Variants in PPP2R1A observed in about 807,000 individuals in gnomAD.
PPP2R1A encodes protein phosphatase 2 scaffold subunit Aalpha.
Under a neutral mutation model 67.1 loss-of-function variants are expected in PPP2R1A, and 15 were observed. The ratio of observed to expected loss-of-function variants is 0.22; its 90% CI spans 0.15 to 0.34. The LOEUF (loss-of-function observed/expected upper bound fraction) is 0.34. PPP2R1A is among the 10% of genes least tolerant of loss of function. The pLI is 1.00. For missense variants in PPP2R1A, 369 were observed against 775.0 expected, an observed-to-expected ratio of 0.48 and a Z score of 6.22; for synonymous variants, 337 against 325.0, an observed-to-expected ratio of 1.04 and a Z score of -0.40.
chr19:52,216,737 C>G lies in PPP2R1A; in HGVS notation c.1128+74C>G. The G allele has an allele frequency of 6.3e-7, 1 of 1,596,830 alleles. No homozygotes were observed. Among genetic ancestry groups the G allele is most frequent in the Non-Finnish European group, 8.6e-7 (1 of 1,166,892 alleles). ...GTCTTCCTAGATTGCTAGGGTTTAC[C>G]TAGATTGACCAGGAATCTGCTGATA... On this transcript the variant is annotated intron_variant, in intron 9 of 14. Coordinates refer to ENST00000322088, the MANE Select transcript of PPP2R1A (RefSeq NM_014225.6). This position sits in a 1 kb window ranked among gnomAD's most constrained non-coding sequence, Gnocchi z 4.3.
Position 52,192,298 on chromosome 19 carries a change from C to CT in PPP2R1A, c.78+2137dup, listed in dbSNP as rs60482392. The stretch of plus-strand genomic sequence containing the variant: ...GAAGAGGGAACAGATATGTAATGGC[C>CT]TTTTTTTTTTTTTCTTCTTTTTTTG... On this transcript the variant is annotated intron_variant, in intron 1 of 14. Coordinates refer to ENST00000322088, the MANE Select transcript of PPP2R1A (RefSeq NM_014225.6). 6.5e-3 allele frequency among the ~76,000 whole-genome samples: 938 copies of CT among 144,240 alleles called. 5 individuals carry two copies. Among genetic ancestry groups the CT allele is most frequent in the Non-Finnish European group, 0.01 (664 of 65,276 alleles). 94.6% of individuals were successfully genotyped at this position (144,240 alleles called of 152,430 possible).
At chr19:52,190,427 C>G (rs574543525) in intron 1 of PPP2R1A, 1 of 564,220 alleles carries the variant, frequency 1.8e-6, no homozygotes, top group South Asian at 2.0e-5. Flanking sequence ...CGGCGGTCCG[C>G]GGTCCTGGGA....
In PPP2R1A at chr19:52,212,463, G is replaced by A. The variant is rs10403154; in HGVS notation, c.504-223G>A. 0.12 allele frequency: 69,176 copies of A among 563,126 alleles called. 5,045 individuals are homozygous for A. Among genetic ancestry groups the A allele is most frequent in the African/African-American group, 0.27 (13,915 of 52,380 alleles). The allele number at this position is 563,126 out of a possible 1,614,324, so 34.9% of individuals were successfully genotyped here. A position where few individuals can be genotyped will look rare whatever the true frequency, so the allele number is the denominator to read the frequency against. On this transcript the variant is annotated intron_variant, in intron 4 of 14. Coordinates refer to ENST00000322088, the MANE Select transcript of PPP2R1A (RefSeq NM_014225.6). The surrounding 1 kb of genome is among the most constrained non-coding windows in gnomAD (Gnocchi z 4.1). ...ACTAGATTTATTATGCGCAATCTGC[G>A]AAGTGTCTCACACACACTATTTTCA... is the stretch of plus-strand genomic sequence containing the variant.
intron 1 of PPP2R1A, among the ~76,000 whole-genome samples, chr19:52,195,284 A>T (rs1045574918): frequency 2.6e-5 from 4 of 152,084 alleles, no homozygotes; most frequent in African/African-American, 9.7e-5. Context: ...CTAGGGTGGT[A>T]AGTGCTGTCA....
In PPP2R1A at chr19:52,212,671, G is replaced by A. The variant is rs375123024; in HGVS notation, c.504-15G>A. 3.2e-5 allele frequency: 52 copies of A among 1,610,582 alleles called. 1 individual carries two copies. Among genetic ancestry groups the A allele is most frequent in the South Asian group, 2.6e-4 (24 of 91,030 alleles). On this transcript the variant is annotated splice_polypyrimidine_tract_variant and intron_variant, in intron 4 of 14. Transcript: ENST00000322088. The surrounding 1 kb of genome is among the most constrained non-coding windows in gnomAD (Gnocchi z 4.1). ...TACTGCCTGCTGCCTCAGGATCCCC[G>A]TCCCCGACTCCCAGGTACTTCCGGA...
At chr19:52,204,125 C>A (rs754433394) in intron 2 of PPP2R1A, among the ~76,000 whole-genome samples, 6 of 152,140 alleles carry the variant, frequency 3.9e-5, no homozygotes, top group Non-Finnish European at 5.9e-5. Flanking sequence ...AAGAGCATTT[C>A]AGGCTGTGGG....
intron 12 of PPP2R1A, among the ~76,000 whole-genome samples, chr19:52,221,706 AC>A (rs879503469): frequency 0.09 from 13,731 of 152,212 alleles, 718 homozygotes; most frequent in African/African-American, 0.13. Flanking sequence ...TGCTTTTCCT[AC>A]GATTATAATT....
chr19:52,218,545 A>G (rs1200696985), intron 9 of PPP2R1A, among the ~76,000 whole-genome samples: 1 of 152,194 alleles, frequency 6.6e-6, no homozygotes, highest in East Asian at 1.9e-4. Flanking sequence ...TTCATGACAA[A>G]TTTTATGACT....
At chr19:52,223,941 G>A (rs1367117351) in intron 13 of PPP2R1A, among the ~76,000 whole-genome samples, 1 of 152,152 alleles carries the variant, frequency 6.6e-6, no homozygotes, top group African/African-American at 2.4e-5. Flanking sequence ...CATAGTAGCC[G>A]TAAAAATGGA....
In PPP2R1A at chr19:52,216,151, GA is replaced by G; in HGVS notation, c.993+78del. 6.7e-7 allele frequency: 1 copy of G among 1,502,988 alleles called. No individual in the cohort carries two copies. Among genetic ancestry groups the G allele is most frequent in the Non-Finnish European group, 9.2e-7 (1 of 1,084,030 alleles). 93.1% of individuals were successfully genotyped at this position (1,502,988 alleles called of 1,614,324 possible). A position where few individuals can be genotyped will look rare whatever the true frequency, so the allele number is the denominator to read the frequency against. On this transcript the variant is annotated intron_variant, in intron 8 of 14. Coordinates refer to ENST00000322088, the MANE Select transcript of PPP2R1A (RefSeq NM_014225.6). The surrounding 1 kb of genome is among the most constrained non-coding windows in gnomAD (Gnocchi z 4.3). ...GAGGGGCTGGAGACAAGGCTTTGGGGATAGTCAGCTGCAAACTAGGTTCCCA... is the reference window on the plus strand; with the variant it reads ...GAGGGGCTGGAGACAAGGCTTTGGGGTAGTCAGCTGCAAACTAGGTTCCCA...
intron 12 of PPP2R1A, 22 bp downstream of exon 12, chr19:52,221,155 T>C (rs1409767194): frequency 4.3e-6 from 7 of 1,613,886 alleles, no homozygotes; most frequent in African/African-American, 1.3e-5. Flanking sequence ...ACCTGCCTGC[T>C]GGCCCATCCC....
Position 52,215,791 on chromosome 19 carries a change from G to A in PPP2R1A, c.820G>A (p.Val274Met). ...TTCCTGTCTGCAGCTCCAGAAAGCA[G>A]TGGGGCCTGAGATCACCAAGACAGA... is the stretch of plus-strand genomic sequence containing the variant. The part of the protein sequence containing the change: ...ADKFTELQKA[V>M]GPEITKTDLV... Residue 274 changes from valine to methionine, a missense_variant, in exon 7 of 15, where the codon GTG becomes ATG. Transcript: ENST00000322088. 6.2e-7 allele frequency: 1 copy of A among 1,614,006 alleles called. No homozygotes were observed. The highest frequency in any genetic ancestry group is 8.5e-7 in the Non-Finnish European group (1 of 1,179,896).
intron 1 of PPP2R1A, among the ~76,000 whole-genome samples, chr19:52,192,778 A>G (rs2089466435): frequency 6.6e-6 from 1 of 152,122 alleles, no homozygotes; most frequent in Admixed American, 6.5e-5. Flanking sequence ...GAATATTGCA[A>G]AGGATACAGA....
chr19:52,219,924 G>A lies in PPP2R1A; in HGVS notation c.1302+60G>A. The A allele has an allele frequency of 6.5e-7, 1 of 1,536,320 alleles. No homozygotes were observed. Among genetic ancestry groups the A allele is most frequent in the African/African-American group, 1.4e-5 (1 of 73,390 alleles). Reference sequence around the variant, plus strand: ...CCTCAGGGGAGGTGCAGTATGTCCAGGGCTGTGATGGGGAAACGGGGCTTT... The same window carrying A: ...CCTCAGGGGAGGTGCAGTATGTCCAAGGCTGTGATGGGGAAACGGGGCTTT... On this transcript the variant is annotated intron_variant, in intron 10 of 14. Coordinates refer to ENST00000322088, the MANE Select transcript of PPP2R1A (RefSeq NM_014225.6). This position sits in a 1 kb window ranked among gnomAD's most constrained non-coding sequence, Gnocchi z 4.0.
chr19:52,206,457 C>T (rs1412211263), intron 3 of PPP2R1A, among the ~76,000 whole-genome samples: 2 of 152,180 alleles, frequency 1.3e-5, no homozygotes, highest in Non-Finnish European at 2.9e-5. Context: ...CCTTGAAGAG[C>T]CCTAGCACAG....
At position 52,225,717 on chromosome 19, in the gene PPP2R1A, C is replaced by T. The variant is rs2122381602; in HGVS notation, c.1662C>T (p.Ser554=). 1.2e-6 allele frequency: 2 copies of T among 1,614,050 alleles called. No individual in the cohort carries two copies. Among genetic ancestry groups the T allele is most frequent in the South Asian group, 2.2e-5 (2 of 91,090 alleles). The part of the protein sequence containing the change: ...LQKIGPILDN[S]TLQSEVKPIL... ...CTCCCTGTCTCCTTTCGCTTTCCAG[C>T]ACCTTGCAGAGTGAAGTCAAGCCCA... The change falls in exon 14 of 15, where the codon AGC becomes AGT. Residue 554 remains serine, a splice_region_variant and synonymous_variant. Coordinates refer to ENST00000322088, the MANE Select transcript of PPP2R1A (RefSeq NM_014225.6).
At chr19:52,206,903 A>G (rs1361389962) in intron 3 of PPP2R1A, among the ~76,000 whole-genome samples, 6 of 152,218 alleles carry the variant, frequency 3.9e-5, no homozygotes, top group Non-Finnish European at 7.3e-5. Context: ...CACTGTCGCT[A>G]GAGATACAAT....
chr19:52,216,925 C>T lies in PPP2R1A; in HGVS notation c.1128+262C>T, dbSNP rs1351610946. Among the ~76,000 whole-genome samples, 1 of 152,168 alleles carries T rather than the reference C, an allele frequency of 6.6e-6. No individual in the cohort carries two copies. The highest frequency in any genetic ancestry group is 2.4e-5 in the African/African-American group (1 of 41,430). On this transcript the variant is annotated intron_variant, in intron 9 of 14. Transcript: ENST00000322088. The surrounding 1 kb of genome is among the most constrained non-coding windows in gnomAD (Gnocchi z 4.3). ...TTATTTATGGCCAGGCGCGGTGGCT[C>T]ACGCCTGTAATCCCAGCACTTTGGG...
At position 52,212,592 on chromosome 19, in the gene PPP2R1A, A is replaced by G; in HGVS notation, c.504-94A>G. On this transcript the variant is annotated intron_variant, in intron 4 of 14. Coordinates refer to ENST00000322088, the MANE Select transcript of PPP2R1A (RefSeq NM_014225.6). This position sits in a 1 kb window ranked among gnomAD's most constrained non-coding sequence, Gnocchi z 4.1. The stretch of plus-strand genomic sequence containing the variant: ...GGTCATCACTTGCCCAAGGTCATTC[A>G]GCTAAAACCTGGACCCACACAACTG... The G allele has an allele frequency of 6.9e-7, 1 of 1,456,336 alleles. No individual in the cohort carries two copies. The highest frequency in any genetic ancestry group is 9.3e-7 in the Non-Finnish European group (1 of 1,078,740). The allele number at this position is 1,456,336 out of a possible 1,614,324, so 90.2% of individuals were successfully genotyped here. A position where few individuals can be genotyped will look rare whatever the true frequency, so the allele number is the denominator to read the frequency against.
Sources: allele counts gnomAD v4.1 joint callset (sites outside exome capture counted in the v4.1 genomes callset), GRCh38; gene constraint gnomAD v4.1.1; non-coding constraint Gnocchi (gnomAD v3.1); transcripts MANE v1.5; gene names NCBI Gene and HGNC (gene_info 2026-07-23, HGNC 2026-07-21).